The following ABCC4 variants were observed in gnomAD, a reference collection of about 807,000 sequenced individuals.
ABCC4 encodes ATP-binding cassette sub-family C member 4.
A neutral mutation model predicts 168.5 loss-of-function variants in ABCC4; 102 were observed. The observed-to-expected ratio is 0.61, with a 90% confidence interval of 0.52 to 0.71. The LOEUF is 0.71. Among genes scored for constraint, ABCC4 ranks in the 30% least tolerant of loss-of-function variants. ABCC4 has a pLI of 0.00. For missense variants in ABCC4, 1,402 were observed against 1,605.8 expected (o/e 0.87, Z 2.17); for synonymous variants, 617 against 590.7 (o/e 1.04, Z -0.65).
intron 10 of ABCC4, among the ~76,000 whole-genome samples, chr13:95,187,833 T>G (rs1189093600): frequency 1.3e-5 from 2 of 152,124 alleles, no homozygotes; most frequent in Non-Finnish European, 2.9e-5. Context: ...CTTCACATCT[T>G]CTACAATGCA....
chr13:95,068,943 C>T (rs1301831629), intron 25 of ABCC4, among the ~76,000 whole-genome samples: 3 of 152,256 alleles, frequency 2.0e-5, no homozygotes, highest in Non-Finnish European at 4.4e-5. Flanking sequence ...GCAAGAGCTA[C>T]AGCTGATGCT....
chr13:95,110,871 G>C (rs1440454074), intron 20 of ABCC4, among the ~76,000 whole-genome samples: 1 of 151,694 alleles, frequency 6.6e-6, no homozygotes, highest in African/African-American at 2.4e-5. Flanking sequence ...GGGAGGCTGA[G>C]GTATGAGAAT....
intron 1 of ABCC4, among the ~76,000 whole-genome samples, chr13:95,256,637 A>C (rs2040399643): frequency 6.6e-6 from 1 of 152,204 alleles, no homozygotes; most frequent in Non-Finnish European, 1.5e-5. Context: ...AGGCACCTGT[A>C]GTCCCAGCTA....
intron 20 of ABCC4, among the ~76,000 whole-genome samples, chr13:95,103,569 T>C (rs185465194): frequency 8.0e-4 from 122 of 152,310 alleles, no homozygotes; most frequent in African/African-American, 2.8e-3. Flanking sequence ...GAATGACACA[T>C]GCCTGAGGGG....
chr13:95,095,794 A>T (rs1260418760), intron 20 of ABCC4: 1 of 197,912 alleles, frequency 5.1e-6, no homozygotes, highest in African/African-American at 2.3e-5. Flanking sequence ...TATGTTTATG[A>T]AAACACAATA....
chr13:95,134,218 A>T (rs889936838), intron 19 of ABCC4, among the ~76,000 whole-genome samples: 1 of 152,292 alleles, frequency 6.6e-6, no homozygotes, highest in South Asian at 2.1e-4. Context: ...AATGCCAAAA[A>T]ATATATATGT....
chr13:95,289,589 T>G (rs1055353555), intron 1 of ABCC4, among the ~76,000 whole-genome samples: 1 of 152,192 alleles, frequency 6.6e-6, no homozygotes, highest in Non-Finnish European at 1.5e-5. Context: ...CCTCAGCCAC[T>G]GGCTGAGCAC....
intron 30 of ABCC4, among the ~76,000 whole-genome samples, chr13:95,022,817 A>G (rs573273671): frequency 6.6e-6 from 1 of 152,328 alleles, no homozygotes; most frequent in East Asian, 1.9e-4. Flanking sequence ...ACCTGCCTAC[A>G]TATTAAGTGT....
intron 17 of ABCC4, 84 bp from the exon 18 acceptor site, chr13:95,163,300 G>T: frequency 2.2e-6 from 2 of 904,500 alleles, no homozygotes; most frequent in Non-Finnish European, 3.5e-6. Flanking sequence ...CCACAATTTG[G>T]GAGAAACGCT....
intron 30 of ABCC4, among the ~76,000 whole-genome samples, chr13:95,031,561 A>G (rs951095808): frequency 6.6e-6 from 1 of 152,252 alleles, no homozygotes; most frequent in Admixed American, 6.5e-5. Context: ...GAACTATGTA[A>G]ACAATGTAAA....
At chr13:95,273,802 T>G (rs1286588018) in intron 1 of ABCC4, among the ~76,000 whole-genome samples, 10 of 123,994 alleles carry the variant, frequency 8.1e-5, no homozygotes, top group Non-Finnish European at 1.6e-4. Flanking sequence ...TCTGATGGGT[T>G]TTTTTTTTGG....
At chr13:95,151,490 A>AG (rs1555321539) in intron 19 of ABCC4, among the ~76,000 whole-genome samples, 1 of 148,700 alleles carries the variant, frequency 6.7e-6, no homozygotes, top group Non-Finnish European at 1.5e-5. Flanking sequence ...AAAAAAAAAA[A>AG]AAGAAGAAGA....
At chr13:95,072,983 T>C (rs1226131819) in intron 24 of ABCC4, among the ~76,000 whole-genome samples, 1 of 152,152 alleles carries the variant, frequency 6.6e-6, no homozygotes, top group Non-Finnish European at 1.5e-5. Flanking sequence ...AAAAAGCTTG[T>C]GATGAATATA....
intron 15 of ABCC4, among the ~76,000 whole-genome samples, chr13:95,165,277 C>A (rs2037234998): frequency 6.6e-6 from 1 of 152,160 alleles, no homozygotes; most frequent in Non-Finnish European, 1.5e-5. Flanking sequence ...AGCAGTGAGT[C>A]TCAGTAACCA....
At chr13:95,242,451 C>A (rs2138787464) in intron 3 of ABCC4, among the ~76,000 whole-genome samples, 1 of 152,302 alleles carries the variant, frequency 6.6e-6, no homozygotes, top group East Asian at 1.9e-4. Context: ...TGGTCTCGAA[C>A]TCCTGACCTT....
In ABCC4 at chr13:95,020,415, A is replaced by G. The variant is rs2031025667; in HGVS notation, c.*1160T>C. Reference sequence around the variant, plus strand: ...ATATTACAGCCACCATCATCAGGAAAAATTAAAGACTCATAGTTCAAATAA... The same window carrying G: ...ATATTACAGCCACCATCATCAGGAAGAATTAAAGACTCATAGTTCAAATAA... On this transcript the variant is annotated 3_prime_UTR_variant, in exon 31 of 31. Coordinates refer to ENST00000645237, the MANE Select transcript of ABCC4 (RefSeq NM_005845.5). 1 of 152,462 alleles carries G rather than the reference A, an allele frequency of 6.6e-6. No individual in the cohort carries two copies. The highest frequency in any genetic ancestry group is 1.5e-5 in the Non-Finnish European group (1 of 68,034). 9.4% of individuals were successfully genotyped at this position (152,462 alleles called of 1,614,324 possible). A position where few individuals can be genotyped will look rare whatever the true frequency, so the allele number is the denominator to read the frequency against.
chr13:95,181,441 C>T lies in ABCC4; in HGVS notation c.1546-3350G>A, dbSNP rs1208003824. ...TTCTTCTTTCAGGGCCCAGCTCAAA[C>T]TCTTCTATGAAACTAACCTGCAGTC... is the stretch of plus-strand genomic sequence containing the variant. On this transcript the variant is annotated intron_variant, in intron 11 of 30. Transcript: ENST00000645237. Among the ~76,000 whole-genome samples, 8 of 152,230 alleles carry T rather than the reference C, an allele frequency of 5.3e-5. No individual in the cohort carries two copies. In the South Asian group the frequency reaches 1.0e-3, roughly 20 times the overall value.
chr13:95,124,757 T>C (rs2139433729), intron 19 of ABCC4, among the ~76,000 whole-genome samples: 1 of 138,306 alleles, frequency 7.2e-6, no homozygotes, highest in South Asian at 2.4e-4. Flanking sequence ...GGTGTGTGCC[T>C]GTAGTCCCGG....
chr13:95,021,802 C>T (rs1428794290), intron 30 of ABCC4, 120 bp from the exon 31 acceptor site: 1 of 691,080 alleles, frequency 1.4e-6, no homozygotes, highest in African/African-American at 1.8e-5. Flanking sequence ...CTCACTGAGG[C>T]ACAATTTAAG....
Sources: allele counts gnomAD v4.1 joint callset (sites outside exome capture counted in the v4.1 genomes callset), GRCh38; gene constraint gnomAD v4.1.1; transcripts MANE v1.5; gene names NCBI Gene and HGNC (gene_info 2026-07-23, HGNC 2026-07-21).